PLCB1: variants seen among roughly 807,000 people sequenced by gnomAD.
PLCB1 encodes the protein phospholipase C beta 1, also known as 1-phosphatidylinositol 4,5-bisphosphate phosphodiesterase beta-1.
PLCB1 carries 46 observed loss-of-function variants against 161.8 expected under a neutral mutation model. The observed-to-expected ratio is 0.28, with a 90% CI of 0.22 to 0.36. The LOEUF (loss-of-function observed/expected upper bound fraction) is 0.36. Ranked by LOEUF, PLCB1 falls within the 10% of genes least tolerant of loss-of-function variation. PLCB1 has a pLI of 1.00. For synonymous variants in PLCB1, 517 were observed against 503.7 expected, an observed-to-expected ratio of 1.03 and a Z score of -0.35; for missense variants, 1,016 against 1,472.5, an observed-to-expected ratio of 0.69 and a Z score of 5.07.
chr20:8,152,714 T>C (rs544512790), intron 2 of PLCB1, among the ~76,000 whole-genome samples: 4 of 152,244 alleles, frequency 2.6e-5, no homozygotes, highest in South Asian at 2.1e-4. Flanking sequence ...GAAGCTTGCA[T>C]TGGTATTTAT....
At chr20:8,865,918 C>G (rs1037870191) in intron 31 of PLCB1, among the ~76,000 whole-genome samples, 7 of 152,162 alleles carry the variant, frequency 4.6e-5, no homozygotes, top group African/African-American at 1.7e-4. Flanking sequence ...GACCAAAATA[C>G]TGGAATCCAA....
chr20:8,265,759 C>T (rs141344165), intron 2 of PLCB1, among the ~76,000 whole-genome samples: 599 of 152,198 alleles, frequency 3.9e-3, no homozygotes, highest in African/African-American at 0.014. Flanking sequence ...TTTCTTTAAC[C>T]TAGCAACAGT....
intron 9 of PLCB1, among the ~76,000 whole-genome samples, chr20:8,683,780 AT>A (rs1424910540): frequency 6.6e-6 from 1 of 152,184 alleles, no homozygotes; most frequent in Non-Finnish European, 1.5e-5. Context: ...TTAATATGAG[AT>A]TTAAAGATCT....
chr20:8,835,243 G>T (rs1403941838), intron 31 of PLCB1, among the ~76,000 whole-genome samples: 1 of 152,156 alleles, frequency 6.6e-6, no homozygotes, highest in African/African-American at 2.4e-5. Context: ...GTGCAAGAGG[G>T]ACTGAGAGCC....
At chr20:8,680,563 C>T (rs1013270936) in intron 9 of PLCB1, among the ~76,000 whole-genome samples, 4 of 152,038 alleles carry the variant, frequency 2.6e-5, no homozygotes, top group Non-Finnish European at 4.4e-5. Context: ...AAAGTTGATC[C>T]CTGGTTCACA....
intron 3 of PLCB1, among the ~76,000 whole-genome samples, chr20:8,548,783 C>G (rs1161675324): frequency 6.6e-6 from 1 of 151,944 alleles, no homozygotes; most frequent in African/African-American, 2.4e-5. Flanking sequence ...TGTTCTCAAG[C>G]CTAACTTTGT....
At chr20:8,261,873 C>G (rs1002149955) in intron 2 of PLCB1, among the ~76,000 whole-genome samples, 2 of 152,124 alleles carry the variant, frequency 1.3e-5, no homozygotes, top group Admixed American at 1.3e-4. Context: ...GTCCATCAGA[C>G]ACACAAGTCT....
intron 3 of PLCB1, among the ~76,000 whole-genome samples, chr20:8,528,925 G>A (rs528226903): frequency 6.6e-6 from 1 of 152,062 alleles, no homozygotes; most frequent in East Asian, 1.9e-4. Context: ...AGGGTGTGAG[G>A]AGAAGCTGCT....
At chr20:8,731,389 A>T (rs1227141926) in intron 18 of PLCB1, among the ~76,000 whole-genome samples, 10 of 151,556 alleles carry the variant, frequency 6.6e-5, no homozygotes, top group African/African-American at 2.4e-4. Context: ...AACTATAGTC[A>T]CCTCCTTGTC....
At chr20:8,428,335 C>T (rs540881735) in intron 3 of PLCB1, among the ~76,000 whole-genome samples, 1 of 152,202 alleles carries the variant, frequency 6.6e-6, no homozygotes, top group South Asian at 2.1e-4. Context: ...ATTCACCTGC[C>T]TCAGCCTCTC....
At chr20:8,559,560 T>C (rs1239253175) in intron 3 of PLCB1, among the ~76,000 whole-genome samples, 1 of 151,998 alleles carries the variant, frequency 6.6e-6, no homozygotes, top group Non-Finnish European at 1.5e-5. Context: ...AAGTCTATGC[T>C]GTTTACAACA....
chr20:8,878,657 A>AGTT (rs1460234985), intron 31 of PLCB1, among the ~76,000 whole-genome samples: 2 of 152,202 alleles, frequency 1.3e-5, no homozygotes, highest in Non-Finnish European at 2.9e-5. Context: ...TAGGGAGAAT[A>AGTT]GTTGACTTTC....
chr20:8,547,987 A>G (rs1039849488), intron 3 of PLCB1, among the ~76,000 whole-genome samples: 2 of 151,118 alleles, frequency 1.3e-5, no homozygotes, highest in African/African-American at 4.9e-5. Flanking sequence ...CTTTTCCTCC[A>G]CCTTCATATC....
At position 8,883,780 on chromosome 20, in the gene PLCB1, T is replaced by G. The variant is rs1006223445; in HGVS notation, c.*1931T>G. The G allele has an allele frequency of 6.7e-6, 1 of 150,342 alleles. No individual in the cohort carries two copies. Among genetic ancestry groups the G allele is most frequent in the Admixed American group, 6.7e-5 (1 of 15,000 alleles). The allele number at this position is 150,342 out of a possible 1,614,324, so 9.3% of individuals were successfully genotyped here. A position where few individuals can be genotyped will look rare whatever the true frequency, so the allele number is the denominator to read the frequency against. ...ATATTTTGATCTGAAGGGTTTGGGGTGTTCATTAGACACTTAATAAAACTT... is the reference window on the plus strand; with the variant it reads ...ATATTTTGATCTGAAGGGTTTGGGGGGTTCATTAGACACTTAATAAAACTT... On this transcript the variant is annotated 3_prime_UTR_variant, in exon 32 of 32. Coordinates refer to ENST00000338037, the MANE Select transcript of PLCB1 (RefSeq NM_015192.4).
intron 3 of PLCB1, among the ~76,000 whole-genome samples, chr20:8,384,406 T>C (rs1987358816): frequency 6.6e-6 from 1 of 152,062 alleles, no homozygotes; most frequent in Non-Finnish European, 1.5e-5. Context: ...ACTGGTTTTC[T>C]AGTTAGCAGC....
At chr20:8,700,535 GCTT>G (rs1315033916) in intron 11 of PLCB1, among the ~76,000 whole-genome samples, 2 of 152,202 alleles carry the variant, frequency 1.3e-5, no homozygotes, top group Non-Finnish European at 2.9e-5. Flanking sequence ...TGGAAGCATG[GCTT>G]CTCAACCACG....
At chr20:8,373,020 C>T (rs1302280849) in intron 3 of PLCB1, among the ~76,000 whole-genome samples, 2 of 152,058 alleles carry the variant, frequency 1.3e-5, no homozygotes, top group African/African-American at 4.8e-5. Context: ...TTAAGTGTTT[C>T]GTTTATGGAT....
At chr20:8,594,829 A>C (rs1987275162) in intron 3 of PLCB1, among the ~76,000 whole-genome samples, 1 of 152,212 alleles carries the variant, frequency 6.6e-6, no homozygotes, top group African/African-American at 2.4e-5. Flanking sequence ...ATTAGACACT[A>C]AGCACATCTC....
chr20:8,310,988 T>A (rs1348011167), intron 2 of PLCB1, among the ~76,000 whole-genome samples: 1 of 152,200 alleles, frequency 6.6e-6, no homozygotes, highest in Non-Finnish European at 1.5e-5. Flanking sequence ...TCTTTTCTGT[T>A]GTGATTAGTG....
Sources: allele counts gnomAD v4.1 joint callset (sites outside exome capture counted in the v4.1 genomes callset), GRCh38; gene constraint gnomAD v4.1.1; transcripts MANE v1.5; gene names NCBI Gene and HGNC (gene_info 2026-07-23, HGNC 2026-07-21).